The following GRIK3 variants were observed in gnomAD, a reference collection of about 807,000 sequenced individuals.
GRIK3 encodes the protein glutamate ionotropic receptor kainate type subunit 3, also known as glutamate receptor ionotropic, kainate 3.
A neutral mutation model predicts 102.5 loss-of-function variants in GRIK3; 29 were observed. The ratio of observed to expected loss-of-function variants is 0.28; its 90% confidence interval spans 0.21 to 0.39. The LOEUF (loss-of-function observed/expected upper bound fraction) is 0.39. Among genes scored for constraint, GRIK3 ranks in the 10% least tolerant of loss-of-function variants. The pLI, the probability that GRIK3 is intolerant of heterozygous loss-of-function variation, is 1.00. For synonymous variants in GRIK3, 511 were observed against 504.9 expected (o/e 1.01, Z -0.16); for missense variants, 908 against 1,252.4 (o/e 0.73, Z 4.15).
chr1:37,009,812 C>A (rs560582857), intron 1 of GRIK3, among the ~76,000 whole-genome samples: 3 of 151,880 alleles, frequency 2.0e-5, no homozygotes, highest in Non-Finnish European at 2.9e-5. Context: ...CTTGGGCAAT[C>A]GTGGTAATGA....
rs74064770 is a variant in GRIK3 at position 36,821,457 on chromosome 1, T to C, written c.1755-1603A>G. Among the ~76,000 whole-genome samples, 1,391 of 152,314 alleles carry C rather than the reference T, an allele frequency of 9.1e-3. 17 individuals are homozygous for C. The highest frequency in any genetic ancestry group is 0.03 in the African/African-American group (1,254 of 41,564). ...CCAGGGGGCGAGGCAGCTCAGTGCC[T>C]GGCTCTGTAACTGAGCGGATGGACC... On this transcript the variant is annotated intron_variant, in intron 11 of 15. Transcript: ENST00000373091.
At chr1:36,854,712 C>T (rs61769816) in intron 7 of GRIK3, among the ~76,000 whole-genome samples, 18,520 of 152,182 alleles carry the variant, frequency 0.12, 1,226 homozygotes, top group South Asian at 0.14. Flanking sequence ...AGCCCCTTTA[C>T]AGAGAAAGCT....
intron 6 of GRIK3, 98 bp from the exon 7 acceptor site, chr1:36,859,349 G>C (rs1640693021): frequency 1.5e-6 from 2 of 1,330,494 alleles, no homozygotes; most frequent in Non-Finnish European, 2.1e-6. Flanking sequence ...ACAGGTACAT[G>C]ATGTCCTGGT....
chr1:36,900,133 T>C (rs1047235355), intron 1 of GRIK3, among the ~76,000 whole-genome samples: 6 of 152,204 alleles, frequency 3.9e-5, no homozygotes. Flanking sequence ...TTCAGCAATA[T>C]AGACCACATT....
chr1:36,823,929 C>T (rs1306973276), intron 11 of GRIK3, among the ~76,000 whole-genome samples: 1 of 152,142 alleles, frequency 6.6e-6, no homozygotes. Context: ...GTTTCTGTTT[C>T]TATAAACTGG....
chr1:37,024,742 CAAAAAAAAA>C (rs11314211), intron 1 of GRIK3, among the ~76,000 whole-genome samples: 214 of 71,042 alleles, frequency 3.0e-3, no homozygotes, highest in African/African-American at 0.01. Context: ...GACTCCATCT[CAAAAAAAAA>C]AAAAAAAAAA....
At chr1:36,886,051 C>T (rs1037241610) in intron 2 of GRIK3, among the ~76,000 whole-genome samples, 5 of 152,184 alleles carry the variant, frequency 3.3e-5, no homozygotes, top group Non-Finnish European at 7.3e-5. Flanking sequence ...AGGCCCACTC[C>T]GGTCAGCCTT....
At position 36,837,778 on chromosome 1, in the gene GRIK3, A is replaced by G. The variant is rs114439170; in HGVS notation, c.1530+3958T>C. On this transcript the variant is annotated intron_variant, in intron 10 of 15. Transcript: ENST00000373091. Reference sequence around the variant, plus strand: ...TGGGGTTCTGCCTCTGCACTCCCCAAGTGGGCTCCTGGGCACCTGGTGCCA... The same window carrying G: ...TGGGGTTCTGCCTCTGCACTCCCCAGGTGGGCTCCTGGGCACCTGGTGCCA... 3.0e-3 allele frequency among the ~76,000 whole-genome samples: 452 copies of G among 152,226 alleles called. 1 individual carries two copies. The highest frequency in any genetic ancestry group is 0.01 in the African/African-American group (431 of 41,540).
At chr1:36,860,105 G>A (rs921176056) in intron 5 of GRIK3, 88 bp from the exon 6 acceptor site, 45 of 1,035,118 alleles carry the variant, frequency 4.3e-5, no homozygotes, top group African/African-American at 3.9e-4. Flanking sequence ...AATCAGGGCC[G>A]CCCCAGGGCC....
chr1:36,809,229 C>T (rs1642533797), intron 13 of GRIK3, among the ~76,000 whole-genome samples: 1 of 152,126 alleles, frequency 6.6e-6, no homozygotes, highest in African/African-American at 2.4e-5. Flanking sequence ...TCCAACCACT[C>T]ACCCACCCAT....
At chr1:36,967,279 G>GA (rs1642090889) in intron 1 of GRIK3, among the ~76,000 whole-genome samples, 1 of 152,354 alleles carries the variant, frequency 6.6e-6, no homozygotes, top group Non-Finnish European at 1.5e-5. Flanking sequence ...GGGGGTATGT[G>GA]CACCTCTGCC....
intron 13 of GRIK3, among the ~76,000 whole-genome samples, chr1:36,810,919 T>TG (rs1454273373): frequency 6.6e-6 from 1 of 152,222 alleles, no homozygotes; most frequent in East Asian, 1.9e-4. Context: ...GGCTTGCTTG[T>TG]GGGGGGCTAC....
intron 1 of GRIK3, among the ~76,000 whole-genome samples, chr1:37,003,018 G>GTTTT (rs1306169886): frequency 7.3e-5 from 6 of 82,648 alleles, no homozygotes; most frequent in African/African-American, 2.9e-4. Context: ...AATAAAAGCT[G>GTTTT]TTGTTTTTTT....
rs532444616 is a variant in GRIK3, at chr1:36,801,446, C to T, written c.*405G>A. ...CCGAAGGCTTGTGTCTCTGGCCTCACGGTCAAGCTGTAGGAGGCCTGGGCT... is the reference window on the plus strand; with the variant it reads ...CCGAAGGCTTGTGTCTCTGGCCTCATGGTCAAGCTGTAGGAGGCCTGGGCT... On this transcript the variant is annotated 3_prime_UTR_variant, in exon 16 of 16. Transcript: ENST00000373091. 1.1e-3 allele frequency: 177 copies of T among 162,508 alleles called. 1 individual carries two copies. Among genetic ancestry groups the T allele is most frequent in the African/African-American group, 2.5e-3 (104 of 41,816 alleles). 10.1% of individuals were successfully genotyped at this position (162,508 alleles called of 1,614,324 possible). A position where few individuals can be genotyped will look rare whatever the true frequency, so the allele number is the denominator to read the frequency against.
intron 15 of GRIK3, among the ~76,000 whole-genome samples, chr1:36,804,087 C>T (rs1448747698): frequency 6.6e-6 from 1 of 152,230 alleles, no homozygotes; most frequent in African/African-American, 2.4e-5. Flanking sequence ...TACACCCTTG[C>T]AAATTCCAAC....
At chr1:36,937,412 C>T (rs1034335215) in intron 1 of GRIK3, among the ~76,000 whole-genome samples, 2 of 152,152 alleles carry the variant, frequency 1.3e-5, no homozygotes, top group Non-Finnish European at 2.9e-5. Context: ...CTCAGTTCTG[C>T]AGTCTAAAAT....
chr1:36,841,143 C>T (rs1640444563), intron 10 of GRIK3, among the ~76,000 whole-genome samples: 1 of 152,002 alleles, frequency 6.6e-6, no homozygotes, highest in African/African-American at 2.4e-5. Context: ...CCAGGTACAC[C>T]CCCCACCCCC....
intron 1 of GRIK3, among the ~76,000 whole-genome samples, chr1:36,964,711 C>T (rs1330057832): frequency 1.3e-5 from 2 of 152,172 alleles, no homozygotes; most frequent in African/African-American, 2.4e-5. Context: ...CCATTCATGT[C>T]CTTTCCACTA....
At position 37,033,998 on chromosome 1, in the gene GRIK3, C is replaced by G. The variant is rs747687717; in HGVS notation, c.111G>C (p.Arg37=). The change falls in exon 1 of 16, where the codon CGG becomes CGC. Residue 37 remains arginine (R), a synonymous_variant. Coordinates refer to ENST00000373091, the MANE Select transcript of GRIK3 (RefSeq NM_000831.4). Reference sequence around the variant, plus strand: ...CCGGCTCCAGGGAGCGCTTACCGATCCGGATGACGTGGGGCATCCCGCGCG... The same window carrying G: ...CCGGCTCCAGGGAGCGCTTACCGATGCGGATGACGTGGGGCATCCCGCGCG... ...PDSRGMPHVI[R]IGGIFEYADG... The G allele has an allele frequency of 6.3e-7, 1 of 1,583,150 alleles. No individual in the cohort carries two copies. Among genetic ancestry groups the G allele is most frequent in the South Asian group, 1.1e-5 (1 of 87,952 alleles).
Sources: allele counts gnomAD v4.1 joint callset (sites outside exome capture counted in the v4.1 genomes callset), GRCh38; gene constraint gnomAD v4.1.1; transcripts MANE v1.5; gene names NCBI Gene and HGNC (gene_info 2026-07-23, HGNC 2026-07-21).